The following GLOD4 variants were observed in gnomAD, a reference collection of about 807,000 sequenced individuals.
GLOD4 encodes glyoxalase domain-containing protein 4.
Under a neutral mutation model 39.1 loss-of-function variants are expected in GLOD4, and 44 were observed. The observed-to-expected ratio is 1.13, with a 90% CI of 0.88 to 1.45. The LOEUF (loss-of-function observed/expected upper bound fraction) is 1.45, where lower values mean the gene tolerates loss of function less well. Among genes scored for constraint, GLOD4 ranks in the 40% most tolerant of loss-of-function variants. The pLI is 0.00. For missense variants in GLOD4, 405 were observed against 366.4 expected (o/e 1.11, Z -0.86); for synonymous variants, 145 against 135.0 (o/e 1.07, Z -0.52).
intron 4 of GLOD4, among the ~76,000 whole-genome samples, chr17:772,184 C>T (rs1181866347): frequency 1.5e-5 from 1 of 68,368 alleles, no homozygotes; most frequent in Non-Finnish European, 2.5e-5. Context: ...GAGACCCTAT[C>T]TCGAAAAAAA....
At chr17:775,675 C>T (rs1365774093) in intron 4 of GLOD4, 100 bp downstream of exon 4, 8 of 945,068 alleles carry the variant, frequency 8.5e-6, no homozygotes, top group African/African-American at 3.3e-5. Flanking sequence ...AGACACGTCA[C>T]GTGAACACAG....
In GLOD4 at chr17:770,429, G is replaced by A. The variant is rs148496651; in HGVS notation, c.622C>T (p.Gln208Ter). The change falls in exon 6 of 9, where the codon CAG becomes TAG. Residue 208 changes from glutamine to a stop codon, truncating the protein, a stop_gained. Transcript: ENST00000301329. LOFTEE classifies it high-confidence loss of function. Reference protein sequence around the residue: ...AFGRIAFSCPQKELPDLEDLM... With the variant: ...AFGRIAFSCP ...CTGGTATCAAGCGTTACCTCTTTCT[G>A]GGGGCAAGAGAAGGCAATTCTTCCA... is the stretch of plus-strand genomic sequence containing the variant. 2.0e-6 allele frequency: 3 copies of A among 1,527,898 alleles called. No homozygotes were observed. Among genetic ancestry groups the A allele is most frequent in the South Asian group, 2.2e-5 (2 of 89,430 alleles). 94.6% of individuals were successfully genotyped at this position (1,527,898 alleles called of 1,614,324 possible). A position where few individuals can be genotyped will look rare whatever the true frequency, so the allele number is the denominator to read the frequency against.
chr17:761,408 A>T (rs907195309), intron 8 of GLOD4, among the ~76,000 whole-genome samples: 9 of 152,332 alleles, frequency 5.9e-5, no homozygotes, highest in Non-Finnish European at 1.2e-4. Flanking sequence ...AGATATGCTT[A>T]AAAAAACCAC....
At chr17:763,114 C>A (rs561066206) in intron 8 of GLOD4, among the ~76,000 whole-genome samples, 1 of 148,712 alleles carries the variant, frequency 6.7e-6, no homozygotes, top group Non-Finnish European at 1.5e-5. Context: ...ACCCGGGAGG[C>A]GGAGCTTGCC....
upstream of GLOD4, chr17:782,506 C>A (rs536301279): frequency 3.4e-4 from 543 of 1,613,534 alleles, 6 homozygotes; most frequent in South Asian, 5.5e-3. Context: ...GTGGTGTTTC[C>A]TTCCGGAGAG....
At chr17:785,604 T>A (rs1910495095), upstream of GLOD4, among the ~76,000 whole-genome samples, 1 of 152,196 alleles carries the variant, frequency 6.6e-6, no homozygotes, top group South Asian at 2.1e-4. Context: ...CTTCTGGACC[T>A]CCAGCGTGAG....
chr17:778,295 G>T lies in GLOD4; in HGVS notation c.140+400C>A, dbSNP rs891796022. 4 of 321,380 alleles carry T rather than the reference G, an allele frequency of 1.2e-5. No homozygotes were observed. The East Asian group carries it at 1.5e-4, about 12-fold the overall frequency. 19.9% of individuals were successfully genotyped at this position (321,380 alleles called of 1,614,324 possible). A position where few individuals can be genotyped will look rare whatever the true frequency, so the allele number is the denominator to read the frequency against. ...ATCCAGACTGTGACCGGCGCCTGACGTGGCGGAAAATCTTCTGGGACTGAG... is the reference window on the plus strand; with the variant it reads ...ATCCAGACTGTGACCGGCGCCTGACTTGGCGGAAAATCTTCTGGGACTGAG... On this transcript the variant is annotated intron_variant, in intron 2 of 8. Transcript: ENST00000301329.
At chr17:780,607 G>A (rs559095851) in intron 1 of GLOD4, 1 of 152,086 alleles carries the variant, frequency 6.6e-6, no homozygotes, top group African/African-American at 2.4e-5. Context: ...GCCGGGTGTT[G>A]TGGTACGCGC....
chr17:783,345 G>T (rs769610128), upstream of GLOD4: 210 of 1,462,714 alleles, frequency 1.4e-4, 1 homozygote, highest in Non-Finnish European at 1.8e-4. Context: ...ATTACCCAGT[G>T]TATCTTTTTT....
chr17:759,919 C>A lies in GLOD4; in HGVS notation c.*254G>T. On this transcript the variant is annotated 3_prime_UTR_variant, in exon 9 of 9. Coordinates refer to ENST00000301329, the MANE Select transcript of GLOD4 (RefSeq NM_016080.4). ...ACAATCATCTGTCACTCATCCAACA[C>A]AGTTATATACAGAATGCGCAGTCCC... 1 of 451,938 alleles carries A rather than the reference C, an allele frequency of 2.2e-6. No homozygotes were observed. The highest frequency in any genetic ancestry group is 3.6e-5 in the South Asian group (1 of 28,128). 28.0% of individuals were successfully genotyped at this position (451,938 alleles called of 1,614,324 possible). A position where few individuals can be genotyped will look rare whatever the true frequency, so the allele number is the denominator to read the frequency against.
At position 759,904 on chromosome 17, in the gene GLOD4, G is replaced by A. The variant is rs866896137; in HGVS notation, c.*269C>T. On this transcript the variant is annotated 3_prime_UTR_variant, in exon 9 of 9. Transcript: ENST00000301329. ...GCTGTCCTAGTCTGGACAATCATCT[G>A]TCACTCATCCAACACAGTTATATAC... 7.2e-6 allele frequency: 3 copies of A among 416,896 alleles called. No homozygotes were observed. Among genetic ancestry groups the A allele is most frequent in the Middle Eastern group, 1.3e-3 (2 of 1,596 alleles). 25.8% of individuals were successfully genotyped at this position (416,896 alleles called of 1,614,324 possible).
intron 8 of GLOD4, chr17:763,758 G>A (rs1905959376): frequency 1.3e-5 from 2 of 152,142 alleles, no homozygotes; most frequent in Admixed American, 6.5e-5. Context: ...GATAAGTTAT[G>A]GACACGCTGA....
intron 8 of GLOD4, among the ~76,000 whole-genome samples, chr17:766,306 A>AT (rs1906548421): frequency 1.3e-5 from 2 of 151,594 alleles, no homozygotes; most frequent in Middle Eastern, 3.4e-3. Flanking sequence ...TTAAAAAAAA[A>AT]AAAATGGGCC....
chr17:769,440 G>A (rs1416111231), intron 8 of GLOD4, among the ~76,000 whole-genome samples: 1 of 146,990 alleles, frequency 6.8e-6, no homozygotes, highest in East Asian at 2.1e-4. Flanking sequence ...TGAGGGGAAC[G>A]GATAGAGGCA....
At chr17:770,995 G>A in intron 5 of GLOD4, 1 of 213,548 alleles carries the variant, frequency 4.7e-6, no homozygotes, top group Non-Finnish European at 9.3e-6. Flanking sequence ...AGAATTGCAG[G>A]GTCAAAGTGC....
At chr17:785,538 G>C (rs1469480156), upstream of GLOD4, among the ~76,000 whole-genome samples, 2 of 152,088 alleles carry the variant, frequency 1.3e-5, no homozygotes, top group African/African-American at 4.8e-5. Flanking sequence ...CTTTGTATTA[G>C]ACTGAGGACA....
chr17:777,029 G>A (rs2144440359), intron 2 of GLOD4, 41 bp from the exon 3 acceptor site: 1 of 1,603,294 alleles, frequency 6.2e-7, no homozygotes, highest in African/African-American at 1.3e-5. Context: ...CTACAGACAA[G>A]TCAGCCTCAG....
intron 8 of GLOD4, among the ~76,000 whole-genome samples, chr17:763,124 C>T (rs553465713): frequency 5.4e-4 from 81 of 149,014 alleles, no homozygotes; most frequent in African/African-American, 1.5e-3. Flanking sequence ...CGGAGCTTGC[C>T]GTGAGCCGAG....
chr17:785,731 C>G (rs1362369275), upstream of GLOD4, among the ~76,000 whole-genome samples: 1 of 152,206 alleles, frequency 6.6e-6, no homozygotes, highest in African/African-American at 2.4e-5. Context: ...TACTTTGATG[C>G]ATTCAAGTTT....
Sources: gnomAD v4.1 joint callset for allele counts (sites outside exome capture counted in the v4.1 genomes callset) on GRCh38, gnomAD v4.1.1 for gene constraint, MANE v1.5 for transcripts, NCBI Gene and HGNC (gene_info 2026-07-23, HGNC 2026-07-21) for gene names.